Variants in DCC observed in about 807,000 individuals in gnomAD.
DCC encodes the protein netrin receptor DCC.
A neutral mutation model predicts 172.5 loss-of-function variants in DCC; 58 were observed. The observed-to-expected ratio is 0.34, with a 90% confidence interval of 0.27 to 0.42. The LOEUF (loss-of-function observed/expected upper bound fraction) is 0.42, where lower values mean the gene tolerates loss of function less well. DCC is among the 10% of genes least tolerant of loss of function. DCC has a pLI of 1.00. For synonymous variants in DCC, 709 were observed against 644.5 expected (o/e 1.10, Z -1.52); for missense variants, 1,740 against 1,791.0 (o/e 0.97, Z 0.51).
intron 1 of DCC, among the ~76,000 whole-genome samples, chr18:52,591,400 T>C (rs1448278107): frequency 1.3e-5 from 2 of 152,166 alleles, no homozygotes; most frequent in East Asian, 3.9e-4. Flanking sequence ...TAAAACATTA[T>C]TAACATTGTT....
chr18:52,705,046 T>C (rs1171409785), intron 1 of DCC, among the ~76,000 whole-genome samples: 1 of 152,212 alleles, frequency 6.6e-6, no homozygotes. Context: ...GCTGCGTCTC[T>C]GGCATTATCT....
intron 1 of DCC, among the ~76,000 whole-genome samples, chr18:52,640,584 A>G (rs1372518592): frequency 6.6e-6 from 1 of 152,172 alleles, no homozygotes; most frequent in Non-Finnish European, 1.5e-5. Context: ...GTGGAGAATC[A>G]AATCAAGAAC....
At chr18:52,728,870 A>G (rs2145090275) in intron 1 of DCC, among the ~76,000 whole-genome samples, 1 of 152,272 alleles carries the variant, frequency 6.6e-6, no homozygotes, top group Non-Finnish European at 1.5e-5. Context: ...CAGCTGTCAA[A>G]AGGGCAGATT....
intron 5 of DCC, among the ~76,000 whole-genome samples, chr18:53,047,276 A>ATATAATTT (rs1568268042): frequency 9.4e-4 from 30 of 32,032 alleles, no homozygotes; most frequent in African/African-American, 3.6e-3. Context: ...ATATATATAT[A>ATATAATTT]TATATATATA....
rs368438514 is a variant in DCC, at chr18:53,266,898, A to G, written c.1912-38680A>G. 8.3e-4 allele frequency among the ~76,000 whole-genome samples: 126 copies of G among 152,176 alleles called. 1 individual carries two copies. Among genetic ancestry groups the G allele is most frequent in the African/African-American group, 2.7e-3 (111 of 41,516 alleles). ...CTGCATAATATTCTATTGTATAGAC[A>G]TAACATTTCATTTATCCATCCTTCA... On this transcript the variant is annotated intron_variant, in intron 12 of 28. Coordinates refer to ENST00000442544, the MANE Select transcript of DCC (RefSeq NM_005215.4).
chr18:52,428,872 G>C (rs1285881959), intron 1 of DCC, among the ~76,000 whole-genome samples: 1 of 151,954 alleles, frequency 6.6e-6, no homozygotes, highest in African/African-American at 2.4e-5. Flanking sequence ...TAACACTGTG[G>C]CTAGTAAAGC....
intron 1 of DCC, among the ~76,000 whole-genome samples, chr18:52,694,824 A>G (rs1386172352): frequency 6.6e-6 from 1 of 152,196 alleles, no homozygotes; most frequent in Non-Finnish European, 1.5e-5. Flanking sequence ...TAAAGTAAAG[A>G]ATTAGGTTAG....
chr18:53,479,761 A>G (rs1376742572), intron 25 of DCC, among the ~76,000 whole-genome samples: 1 of 152,184 alleles, frequency 6.6e-6, no homozygotes, highest in African/African-American at 2.4e-5. Flanking sequence ...TTCTATTGCA[A>G]TGTAAAAATA....
chr18:53,113,075 G>A (rs915350377), intron 7 of DCC, among the ~76,000 whole-genome samples: 1 of 151,298 alleles, frequency 6.6e-6, no homozygotes, highest in Admixed American at 6.6e-5. Flanking sequence ...TAGGGCTCCA[G>A]TGATTCAAAA....
At position 53,093,599 on chromosome 18, in the gene DCC, T is replaced by C. The variant is rs934462586; in HGVS notation, c.1261+27433T>C. On this transcript the variant is annotated intron_variant, in intron 7 of 28. Coordinates refer to ENST00000442544, the MANE Select transcript of DCC (RefSeq NM_005215.4). ...CTATCTGACCTTATTAATGTAACTC[T>C]AGGATTTAGATTCTGACCTTCCATA... 2.0e-5 allele frequency among the ~76,000 whole-genome samples: 3 copies of C among 152,334 alleles called. No homozygotes were observed. The South Asian group carries it at 6.2e-4, about 32-fold the overall frequency.
chr18:53,417,645 C>G (rs1442096707), intron 21 of DCC, among the ~76,000 whole-genome samples: 1 of 151,952 alleles, frequency 6.6e-6, no homozygotes, highest in African/African-American at 2.4e-5. Context: ...ACAGATAACT[C>G]CTAAGTTTTG....
intron 9 of DCC, 46 bp downstream of exon 9, chr18:53,179,162 C>T (rs1370819559): frequency 2.6e-6 from 4 of 1,563,580 alleles, no homozygotes; most frequent in Non-Finnish European, 3.5e-6. Context: ...TATTTATTTT[C>T]CTCTGCAATA....
At chr18:52,526,547 T>C (rs1057505250) in intron 1 of DCC, among the ~76,000 whole-genome samples, 3 of 152,068 alleles carry the variant, frequency 2.0e-5, no homozygotes, top group Non-Finnish European at 2.9e-5. Context: ...AGGCCAGCCT[T>C]TTCTATCTCA....
intron 22 of DCC, among the ~76,000 whole-genome samples, chr18:53,440,814 TA>T (rs34586652): frequency 0.43 from 65,671 of 152,016 alleles, 16,120 homozygotes; most frequent in Non-Finnish European, 0.57. Context: ...AGTCCTAGTC[TA>T]AACCCAGATT....
intron 2 of DCC, among the ~76,000 whole-genome samples, chr18:52,786,487 ATGT>A (rs1006660856): frequency 1.3e-5 from 2 of 152,124 alleles, no homozygotes; most frequent in Non-Finnish European, 1.5e-5. Flanking sequence ...TGATAGGACC[ATGT>A]TGTTTGTAGA....
chr18:53,432,502 C>T (rs1231422040), intron 21 of DCC, among the ~76,000 whole-genome samples: 4 of 152,184 alleles, frequency 2.6e-5, no homozygotes, highest in African/African-American at 9.6e-5. Flanking sequence ...CTGACTTTCA[C>T]TCCAGCTGTT....
chr18:53,289,705 T>G (rs2056979514), intron 12 of DCC, among the ~76,000 whole-genome samples: 1 of 152,172 alleles, frequency 6.6e-6, no homozygotes, highest in South Asian at 2.1e-4. Context: ...TTTTTTATTT[T>G]TTAAAACCAG....
At chr18:52,998,284 C>A (rs560993880) in intron 5 of DCC, among the ~76,000 whole-genome samples, 2 of 152,072 alleles carry the variant, frequency 1.3e-5, no homozygotes, top group African/African-American at 4.8e-5. Context: ...TCTCCCTGAT[C>A]TCTCCATCCT....
chr18:52,560,018 G>T (rs1431729972), intron 1 of DCC, among the ~76,000 whole-genome samples: 7 of 152,104 alleles, frequency 4.6e-5, no homozygotes, highest in Non-Finnish European at 8.8e-5. Flanking sequence ...ACCTCTTATT[G>T]CGTATATTCC....
Sources: allele counts gnomAD v4.1 joint callset (sites outside exome capture counted in the v4.1 genomes callset), GRCh38; gene constraint gnomAD v4.1.1; transcripts MANE v1.5; gene names NCBI Gene and HGNC (gene_info 2026-07-23, HGNC 2026-07-21).